ATRX: variants seen among roughly 807,000 people sequenced by gnomAD.
ATRX encodes ATRX chromatin remodeler.
ATRX carries 12 observed loss-of-function variants against 172.6 expected under a neutral mutation model. That is an observed-to-expected ratio of 0.07 (90% CI 0.04 to 0.11). ATRX has a LOEUF of 0.11. Ranked by LOEUF, ATRX falls within the 10% of genes least tolerant of loss-of-function variation. ATRX has a pLI of 1.00. For missense variants in ATRX, 1,368 were observed against 1,767.4 expected (o/e 0.77, Z 4.05); for synonymous variants, 674 against 594.7 (o/e 1.13, Z -1.94).
chrX:77,684,741 T>C (rs995734215), intron 8 of ATRX, 148 bp from the exon 9 acceptor site: 2 of 785,716 alleles, frequency 2.5e-6, no homozygotes, highest in South Asian at 2.6e-5. Context: ...CCAGTAATTT[T>C]AGTGGTAATT....
chrX:77,573,700 C>T (rs1291275913), intron 28 of ATRX, among the ~76,000 whole-genome samples: 2 of 111,553 alleles, frequency 1.8e-5, no homozygotes, highest in Non-Finnish European at 3.8e-5. Context: ...AACTGGAACT[C>T]TCATACAACT....
intron 30 of ATRX, among the ~76,000 whole-genome samples, chrX:77,544,552 T>C (rs782062622): frequency 1.9e-5 from 2 of 105,967 alleles, no homozygotes; most frequent in East Asian, 6.0e-4. Context: ...TATCTCCCAA[T>C]GCTATCCCTC....
rs2148489772 is a variant in ATRX at position 77,663,529 on chromosome X, C to G, written c.3973G>C (p.Asp1325His). 2 of 1,209,949 alleles carry G rather than the reference C, an allele frequency of 1.7e-6. No homozygotes were observed. The highest frequency in any genetic ancestry group is 3.0e-5 in the East Asian group (1 of 33,818). ...TTCTTAGATTCTTCAGAATCTGAAT[C>G]TGATTCAGAATTGACTTGATTTTTT... ...EAKNQVNSES[D>H]SDSEESKKPR... is the part of the protein sequence containing the mutation. Residue 1325 changes from aspartate (D) to histidine (H), a missense_variant, in exon 12 of 35, where the codon GAT (aspartate) becomes CAT (histidine). Around this residue, in one of 17 missense-constraint regions of ATRX, gnomAD observed 119 missense variants for 131.3 expected, o/e 0.91. Transcript: ENST00000373344.
At chrX:77,734,203 T>C (rs1170706005) in intron 1 of ATRX, among the ~76,000 whole-genome samples, 1 of 92,018 alleles carries the variant, frequency 1.1e-5, no homozygotes, top group Non-Finnish European at 2.2e-5. Context: ...CAAGATTCTG[T>C]CTCAAATACA....
chrX:77,506,394 T>C lies in ATRX; in HGVS notation c.*1957A>G, dbSNP rs2062706675. On this transcript the variant is annotated 3_prime_UTR_variant, in exon 35 of 35. Transcript: ENST00000373344. ...ATTCTTTAAGTTATAGTTTCATCCA[T>C]GGTGAAAAAGATTTAGAAGGTTGCC... 1.7e-5 allele frequency: 3 copies of C among 172,370 alleles called. No homozygotes were observed. Among genetic ancestry groups the C allele is most frequent in the South Asian group, 3.1e-4 (1 of 3,188 alleles). The allele number at this position is 172,370 out of a possible 1,213,427, so 14.2% of individuals were successfully genotyped here. A position where few individuals can be genotyped will look rare whatever the true frequency, so the allele number is the denominator to read the frequency against.
intron 10 of ATRX, among the ~76,000 whole-genome samples, chrX:77,670,724 C>T: frequency 9.5e-6 from 1 of 105,775 alleles, no homozygotes; most frequent in Non-Finnish European, 1.9e-5. Flanking sequence ...CACTGCACTC[C>T]AGCCTGGGTG....
chrX:77,545,305 G>T (rs1223954439), intron 30 of ATRX, among the ~76,000 whole-genome samples: 1 of 111,945 alleles, frequency 8.9e-6, no homozygotes, highest in Admixed American at 9.5e-5. Context: ...AACCAACTCT[G>T]CAGAAACTAT....
At chrX:77,509,914 G>C (rs1458721115) in intron 34 of ATRX, among the ~76,000 whole-genome samples, 2 of 73,641 alleles carry the variant, frequency 2.7e-5, no homozygotes, top group Non-Finnish European at 5.2e-5. Context: ...CGGGGGGCGG[G>C]GGGGGGGGGC....
intron 20 of ATRX, 100 bp from the exon 21 acceptor site, chrX:77,619,081 G>C: frequency 1.8e-6 from 1 of 553,301 alleles, no homozygotes; most frequent in Non-Finnish European, 2.9e-6. Flanking sequence ...ACATGCATTA[G>C]AATTAAGCTA....
intron 1 of ATRX, among the ~76,000 whole-genome samples, chrX:77,760,887 A>G (rs1032158050): frequency 8.9e-6 from 1 of 112,031 alleles, no homozygotes; most frequent in African/African-American, 3.3e-5. Flanking sequence ...TGTAAATTTC[A>G]TATTTTACTT....
At chrX:77,531,012 G>T (rs2412339) in intron 30 of ATRX, among the ~76,000 whole-genome samples, 5,513 of 111,910 alleles carry the variant, frequency 0.049, 161 homozygotes, top group Non-Finnish European at 0.078. Flanking sequence ...ATACCTCTGC[G>T]CATATAAACT....
chrX:77,741,568 T>A (rs906050660), intron 1 of ATRX, among the ~76,000 whole-genome samples: 2 of 110,991 alleles, frequency 1.8e-5, no homozygotes, highest in Non-Finnish European at 3.8e-5. Context: ...CTCAAGTGAT[T>A]CTCCTGCCAC....
Position 77,508,044 on chromosome X carries a change from C to CAT in ATRX, c.*305_*306dup, listed in dbSNP as rs1418943721. On this transcript the variant is annotated 3_prime_UTR_variant, in exon 35 of 35. Coordinates refer to ENST00000373344, the MANE Select transcript of ATRX (RefSeq NM_000489.6). Reference sequence around the variant, plus strand: ...CAATTTTATGGTTGCTAAAAGCAGGCATAAAAATTTAGAGAGGAAATCTGT... The same window carrying CAT: ...CAATTTTATGGTTGCTAAAAGCAGGCATATAAAAATTTAGAGAGGAAATCTGT... The CAT allele has an allele frequency of 7.8e-5, 17 of 218,518 alleles. No homozygotes were observed. The highest frequency in any genetic ancestry group is 1.4e-4 in the Non-Finnish European group (17 of 121,880). 18.0% of individuals were successfully genotyped at this position (218,518 alleles called of 1,213,427 possible). A position where few individuals can be genotyped will look rare whatever the true frequency, so the allele number is the denominator to read the frequency against.
intron 2 of ATRX, among the ~76,000 whole-genome samples, chrX:77,708,119 A>G (rs1788254841): frequency 8.9e-6 from 1 of 112,283 alleles, no homozygotes; most frequent in South Asian, 3.6e-4. Flanking sequence ...TACACACAAA[A>G]AACTGTACAC....
At chrX:77,777,932 T>C (rs782132238) in intron 1 of ATRX, among the ~76,000 whole-genome samples, 1 of 109,031 alleles carries the variant, frequency 9.2e-6, no homozygotes, top group South Asian at 4.0e-4. Context: ...GTCTAGGAGT[T>C]CGAGACCAGC....
At chrX:77,565,108 G>C (rs1557063834) in intron 28 of ATRX, among the ~76,000 whole-genome samples, 3 of 111,389 alleles carry the variant, frequency 2.7e-5, no homozygotes, top group African/African-American at 9.8e-5. Flanking sequence ...GATGTCAGTG[G>C]AGGCCATCTG....
chrX:77,686,491 G>A (rs1350687022), intron 7 of ATRX, among the ~76,000 whole-genome samples: 1 of 111,923 alleles, frequency 8.9e-6, no homozygotes, highest in Non-Finnish European at 1.9e-5. Flanking sequence ...CGAGGAGGGT[G>A]GATCACCTGA....
At chrX:77,526,943 T>C (rs1264908055) in intron 30 of ATRX, among the ~76,000 whole-genome samples, 3 of 112,696 alleles carry the variant, frequency 2.7e-5, no homozygotes, top group African/African-American at 9.7e-5. Context: ...TACAGTCAAC[T>C]GAAATGCCAA....
chrX:77,531,205 C>T (rs1557046278), intron 30 of ATRX, among the ~76,000 whole-genome samples: 3 of 111,970 alleles, frequency 2.7e-5, no homozygotes, highest in African/African-American at 9.7e-5. Flanking sequence ...ACCACAGGTA[C>T]AAAGAGGAGC....
Sources: gnomAD v4.1 joint callset for allele counts (sites outside exome capture counted in the v4.1 genomes callset) on GRCh38, gnomAD v4.1.1 for gene constraint, gnomAD v4.1.1 regional missense constraint, MANE v1.5 for transcripts, NCBI Gene and HGNC (gene_info 2026-07-23, HGNC 2026-07-21) for gene names.